Variants in SLC26A8 observed in about 807,000 individuals in gnomAD.
The protein encoded by SLC26A8 is solute carrier family 26 member 8.
In SLC26A8, 70 loss-of-function variants were observed where a neutral mutation model predicts 105.0. That is an observed-to-expected ratio of 0.67 (90% confidence interval 0.55 to 0.81). SLC26A8 has a LOEUF of 0.81. Ranked by LOEUF, SLC26A8 falls within the 40% of genes least tolerant of loss-of-function variation. SLC26A8 has a pLI of 0.00. For missense variants in SLC26A8, 998 were observed against 1,181.8 expected (o/e 0.84, Z 2.28); for synonymous variants, 415 against 438.3 (o/e 0.95, Z 0.66).
intron 10 of SLC26A8, chr6:35,969,944 A>G (rs1490015086): frequency 6.6e-6 from 1 of 152,202 alleles, no homozygotes; most frequent in Non-Finnish European, 1.5e-5. Flanking sequence ...TTGTCAAAAT[A>G]AAGGTGGAAA....
intron 10 of SLC26A8, among the ~76,000 whole-genome samples, chr6:35,973,305 A>G (rs960707875): frequency 6.6e-6 from 1 of 152,074 alleles, no homozygotes; most frequent in Non-Finnish European, 1.5e-5. Flanking sequence ...TGTACAAAAC[A>G]CTCTTCTTCT....
intron 3 of SLC26A8, among the ~76,000 whole-genome samples, chr6:36,009,746 T>C (rs930099515): frequency 1.1e-3 from 160 of 152,160 alleles, no homozygotes; most frequent in African/African-American, 3.8e-3. Context: ...TTGAGGAATC[T>C]TTGTGGTGGT....
intron 7 of SLC26A8, chr6:35,989,927 C>CTTTTTTTTTTTTTTTTTTT (rs869306115): frequency 2.4e-5 from 2 of 84,572 alleles, no homozygotes; most frequent in African/African-American, 5.1e-5. Context: ...GTTTTCTTTT[C>CTTTTTTTTTTTTTTTTTTT]TTTTTTTTTT....
intron 2 of SLC26A8, among the ~76,000 whole-genome samples, chr6:36,012,940 TG>T (rs1761902109): frequency 6.6e-6 from 1 of 152,090 alleles, no homozygotes. Context: ...GTGCATAAAG[TG>T]TGTTCTTTCT....
chr6:35,965,812 G>A (rs1274929376), intron 11 of SLC26A8, among the ~76,000 whole-genome samples: 2 of 151,512 alleles, frequency 1.3e-5, no homozygotes, highest in Admixed American at 6.6e-5. Flanking sequence ...CCCACATGGC[G>A]AAACTCCATC....
At chr6:36,018,067 A>G (rs1387180340) in intron 2 of SLC26A8, among the ~76,000 whole-genome samples, 2 of 152,376 alleles carry the variant, frequency 1.3e-5, no homozygotes, top group Middle Eastern at 3.4e-3. Context: ...AAAATTGTAC[A>G]TTGCCAGTGA....
At chr6:36,017,766 C>A (rs1100861) in intron 2 of SLC26A8, among the ~76,000 whole-genome samples, 105,623 of 152,086 alleles carry the variant, frequency 0.69, 37,090 homozygotes, top group Middle Eastern at 0.74. Context: ...TTACAAACAT[C>A]TATCTGATAG....
At chr6:36,004,220 A>G (rs1262262014) in intron 3 of SLC26A8, among the ~76,000 whole-genome samples, 1 of 151,330 alleles carries the variant, frequency 6.6e-6, no homozygotes, top group Non-Finnish European at 1.5e-5. Flanking sequence ...GACTACAGGT[A>G]TGCACCACCA....
At chr6:36,007,066 G>C (rs1056378349) in intron 3 of SLC26A8, among the ~76,000 whole-genome samples, 2 of 152,132 alleles carry the variant, frequency 1.3e-5, no homozygotes, top group Admixed American at 6.5e-5. Context: ...TTCCCCCTAT[G>C]TTCAGGAAGA....
In SLC26A8 at chr6:35,990,111, A is replaced by G. The variant is rs1201038126; in HGVS notation, c.942+1548T>C. Among the ~76,000 whole-genome samples, 5 of 149,990 alleles carry G rather than the reference A, an allele frequency of 3.3e-5. No homozygotes were observed. In the South Asian group the frequency reaches 1.1e-3, roughly 32 times the overall value. On this transcript the variant is annotated intron_variant, in intron 7 of 19. Transcript: ENST00000490799. The stretch of plus-strand genomic sequence containing the variant: ...TGCCACCGCACCCGGCTAGTTTTGT[A>G]TTTTTATTAGAGACAGGGTTTCTCC...
intron 2 of SLC26A8, among the ~76,000 whole-genome samples, chr6:36,015,362 C>T (rs983797789): frequency 4.6e-5 from 7 of 152,180 alleles, no homozygotes; most frequent in African/African-American, 9.7e-5. Context: ...CTGCCTGCCT[C>T]GGCCTCCCAG....
chr6:36,002,883 T>C (rs927135653), intron 3 of SLC26A8, among the ~76,000 whole-genome samples: 1 of 152,048 alleles, frequency 6.6e-6, no homozygotes, highest in African/African-American at 2.4e-5. Flanking sequence ...TTTGTATTTT[T>C]AGTAGAGACG....
chr6:35,962,644 G>C, intron 11 of SLC26A8, 23 bp from the exon 12 acceptor site: 1 of 1,609,396 alleles, frequency 6.2e-7, no homozygotes, highest in Non-Finnish European at 8.5e-7. Context: ...GATAAATCAT[G>C]GTTCATTTTC....
At position 35,975,417 on chromosome 6, in the gene SLC26A8, A is replaced by C. The variant is rs1291183023; in HGVS notation, c.1245T>G (p.Ile415Met). The C allele has an allele frequency of 6.2e-7, 1 of 1,613,698 alleles. No individual in the cohort carries two copies. Among genetic ancestry groups the C allele is most frequent in the South Asian group, 1.1e-5 (1 of 91,060 alleles). ...ATTTATCCTGGATAATAGTCCTAGC[A>C]ATAGCACCAGTAAACACACAAGATC... ...FFRSCVFTGAIARTIIQDKSG... is the reference protein window; with the variant it reads ...FFRSCVFTGAMARTIIQDKSG... Residue 415 changes from isoleucine (I) to methionine (M), a missense_variant, in exon 10 of 20, where the codon ATT (isoleucine) becomes ATG (methionine). Coordinates refer to ENST00000490799, the MANE Select transcript of SLC26A8 (RefSeq NM_052961.4).
chr6:36,013,943 G>C (rs1253478233), intron 2 of SLC26A8, among the ~76,000 whole-genome samples: 1 of 152,224 alleles, frequency 6.6e-6, no homozygotes, highest in African/African-American at 2.4e-5. Context: ...TGTGAGTAGA[G>C]ATGGGGCTAG....
At chr6:35,992,873 T>C (rs1035298746) in intron 5 of SLC26A8, among the ~76,000 whole-genome samples, 199 bp from the exon 6 acceptor site, 5 of 152,154 alleles carry the variant, frequency 3.3e-5, no homozygotes, top group African/African-American at 1.2e-4. Context: ...TCCCAACAAG[T>C]GCTAGCTCAC....
chr6:35,997,673 G>A, intron 5 of SLC26A8, 65 bp downstream of exon 5: 1 of 1,481,634 alleles, frequency 6.7e-7, no homozygotes, highest in Non-Finnish European at 9.2e-7. Context: ...GCAGTATAAG[G>A]AAGGGGTCTG....
At chr6:35,993,717 C>A (rs181870922) in intron 5 of SLC26A8, among the ~76,000 whole-genome samples, 38 of 152,058 alleles carry the variant, frequency 2.5e-4, no homozygotes, top group African/African-American at 9.2e-4. Context: ...TTGAGATGTT[C>A]GTCTTTTATA....
rs776299534 is a variant in SLC26A8, at chr6:35,944,179, C to CAGGTCT, written c.2628_2633dup (p.Leu878_Asp879dup). ...CCATTTCAGGCTCCAGCTCCCGATC[C>CAGGTCT]AGGTCTAGGTCCAGACCCAGCCCAG... On this transcript the variant is annotated inframe_insertion, in exon 20 of 20. Transcript: ENST00000490799. The CAGGTCT allele has an allele frequency of 2.5e-6, 4 of 1,614,074 alleles. No individual in the cohort carries two copies. The highest frequency in any genetic ancestry group is 3.4e-6 in the Non-Finnish European group (4 of 1,180,008).
Sources: gnomAD v4.1 joint callset for allele counts (sites outside exome capture counted in the v4.1 genomes callset) on GRCh38, gnomAD v4.1.1 for gene constraint, MANE v1.5 for transcripts, NCBI Gene and HGNC (gene_info 2026-07-23, HGNC 2026-07-21) for gene names.